The following RGS7 variants were observed in gnomAD, a reference collection of about 807,000 sequenced individuals.
RGS7 encodes the protein regulator of G protein signaling 7.
RGS7 carries 27 observed loss-of-function variants against 81.1 expected under a neutral mutation model. The observed-to-expected ratio is 0.33, with a 90% CI of 0.25 to 0.46. The LOEUF (loss-of-function observed/expected upper bound fraction) is 0.46, where lower values mean the gene tolerates loss of function less well. Ranked by LOEUF, RGS7 falls within the 20% of genes least tolerant of loss-of-function variation. RGS7 has a pLI of 1.00. For synonymous variants in RGS7, 208 were observed against 207.7 expected (o/e 1.00, Z -0.01); for missense variants, 396 against 607.4 (o/e 0.65, Z 3.66).
At chr1:241,297,651 T>G (rs953861688) in intron 2 of RGS7, among the ~76,000 whole-genome samples, 3 of 151,470 alleles carry the variant, frequency 2.0e-5, no homozygotes, top group African/African-American at 7.3e-5. Context: ...AAGCTTGGGG[T>G]TGCCATGAGA....
intron 9 of RGS7, among the ~76,000 whole-genome samples, chr1:240,862,532 C>T (rs914607254): frequency 6.6e-6 from 1 of 151,944 alleles, no homozygotes; most frequent in African/African-American, 2.4e-5. Context: ...GAATTAAAAG[C>T]TTTAGAAGGA....
chr1:241,318,958 A>C (rs1169398848), intron 2 of RGS7, among the ~76,000 whole-genome samples: 1 of 152,220 alleles, frequency 6.6e-6, no homozygotes, highest in Non-Finnish European at 1.5e-5. Flanking sequence ...GAAAAAGATG[A>C]TCAAACGAAG....
intron 2 of RGS7, among the ~76,000 whole-genome samples, chr1:241,249,849 A>G (rs1219473968): frequency 6.6e-6 from 1 of 152,192 alleles, no homozygotes; most frequent in Non-Finnish European, 1.5e-5. Flanking sequence ...GAAGATAGAA[A>G]AATGGTGGCA....
At chr1:241,069,908 T>C (rs771349959) in intron 3 of RGS7, among the ~76,000 whole-genome samples, 1 of 152,232 alleles carries the variant, frequency 6.6e-6, no homozygotes, top group Non-Finnish European at 1.5e-5. Context: ...TATTTGATCA[T>C]TTAATACTTG....
intron 4 of RGS7, among the ~76,000 whole-genome samples, chr1:240,938,807 T>C (rs1253098715): frequency 8.6e-5 from 13 of 150,940 alleles, no homozygotes; most frequent in African/African-American, 2.0e-4. Context: ...CATTTTTTTT[T>C]CATCAATTTT....
intron 3 of RGS7, among the ~76,000 whole-genome samples, chr1:241,078,622 G>C (rs1455782052): frequency 6.6e-6 from 1 of 151,830 alleles, no homozygotes; most frequent in African/African-American, 2.4e-5. Context: ...ATATATATTA[G>C]ATTAACCAAG....
chr1:241,172,201 T>G (rs908667674), intron 2 of RGS7, among the ~76,000 whole-genome samples: 4 of 151,182 alleles, frequency 2.6e-5, no homozygotes, highest in Non-Finnish European at 5.9e-5. Flanking sequence ...TGTCTTCTGT[T>G]TCCTAATTCT....
At chr1:240,855,458 T>C (rs1202947658) in intron 9 of RGS7, among the ~76,000 whole-genome samples, 4 of 150,646 alleles carry the variant, frequency 2.7e-5, no homozygotes, top group African/African-American at 9.7e-5. Flanking sequence ...TGAGACATGG[T>C]CTCACTGTGT....
At chr1:241,218,972 A>G (rs1309953450) in intron 2 of RGS7, among the ~76,000 whole-genome samples, 1 of 152,112 alleles carries the variant, frequency 6.6e-6, no homozygotes, top group African/African-American at 2.4e-5. Flanking sequence ...GCTATAGGAC[A>G]AGAGAGGCAG....
chr1:241,174,895 G>GT (rs551122102), intron 2 of RGS7, among the ~76,000 whole-genome samples: 2,296 of 69,014 alleles, frequency 0.033, 166 homozygotes, highest in African/African-American at 0.077. Context: ...ACAGAATTTT[G>GT]TTTTTTTTTT....
At chr1:241,005,254 GAC>G (rs1200760507) in intron 3 of RGS7, among the ~76,000 whole-genome samples, 11 of 152,264 alleles carry the variant, frequency 7.2e-5, no homozygotes, top group African/African-American at 2.6e-4. Context: ...AGCCCTATTT[GAC>G]AGAGGGATAA....
Position 241,012,318 on chromosome 1 carries a change from T to A in RGS7, c.176-29189A>T, listed in dbSNP as rs2058998649. The stretch of plus-strand genomic sequence containing the variant: ...CCAGAAGCCAGGGAAAAGTCCAAGG[T>A]CCCTCATGCAAAGGCACGAGGGCAC... On this transcript the variant is annotated intron_variant, in intron 3 of 18. Transcript: ENST00000440928. 3.3e-5 allele frequency among the ~76,000 whole-genome samples: 5 copies of A among 151,994 alleles called. No homozygotes were observed. In the South Asian group the frequency reaches 1.0e-3, roughly 32 times the overall value.
At chr1:241,226,573 G>C (rs1428897163) in intron 2 of RGS7, among the ~76,000 whole-genome samples, 1 of 152,148 alleles carries the variant, frequency 6.6e-6, no homozygotes, top group Non-Finnish European at 1.5e-5. Flanking sequence ...TGCACTCATG[G>C]ATCTTATACA....
At chr1:240,801,900 C>G (rs1167027746) in intron 16 of RGS7, among the ~76,000 whole-genome samples, 1 of 152,140 alleles carries the variant, frequency 6.6e-6, no homozygotes, top group Non-Finnish European at 1.5e-5. Flanking sequence ...ATCATTAATT[C>G]CATAGAGCAT....
chr1:241,010,422 T>C (rs1359077718), intron 3 of RGS7, among the ~76,000 whole-genome samples: 1 of 152,198 alleles, frequency 6.6e-6, no homozygotes, highest in Non-Finnish European at 1.5e-5. Flanking sequence ...TATGCTTTCA[T>C]GTCACTAACC....
At chr1:241,100,322 C>T (rs549598483) in intron 2 of RGS7, among the ~76,000 whole-genome samples, 18 of 147,018 alleles carry the variant, frequency 1.2e-4, no homozygotes, top group Non-Finnish European at 2.1e-4. Context: ...TTGCAGTGAG[C>T]CGAGATGGCG....
chr1:241,295,252 G>A (rs564852372), intron 2 of RGS7, among the ~76,000 whole-genome samples: 6 of 151,788 alleles, frequency 4.0e-5, no homozygotes, highest in Non-Finnish European at 8.8e-5. Context: ...TTCAAGACCA[G>A]CCTGACGAAC....
rs554514173 is a variant in RGS7, at chr1:241,271,700, C to A, written c.78+83999G>T. 1.3e-5 allele frequency among the ~76,000 whole-genome samples: 2 copies of A among 152,110 alleles called. No homozygotes were observed. The highest frequency in any genetic ancestry group is 3.9e-4 in the East Asian group (2 of 5,176). On this transcript the variant is annotated intron_variant, in intron 2 of 18. Coordinates refer to ENST00000440928, the MANE Select transcript of RGS7 (RefSeq NM_001364886.1). This position sits in a 1 kb window ranked among gnomAD's most constrained non-coding sequence, Gnocchi z 4.6. ...CAGAAAGGTGGAAGAAGTAAGGATT[C>A]TCTCTCTGCTGGAGTGCTTGAGCTA...
intron 9 of RGS7, among the ~76,000 whole-genome samples, chr1:240,842,352 C>A (rs983537695): frequency 1.3e-5 from 2 of 151,632 alleles, no homozygotes; most frequent in African/African-American, 4.8e-5. Context: ...GCATGCATCA[C>A]CATGCCCAGC....
Sources: allele counts gnomAD v4.1 joint callset (sites outside exome capture counted in the v4.1 genomes callset), GRCh38; gene constraint gnomAD v4.1.1; non-coding constraint Gnocchi (gnomAD v3.1); transcripts MANE v1.5; gene names NCBI Gene and HGNC (gene_info 2026-07-23, HGNC 2026-07-21).